Variants in PIBF1 observed in about 807,000 individuals in gnomAD.
PIBF1 encodes progesterone immunomodulatory binding factor 1, also known as progesterone-induced-blocking factor 1.
Under a neutral mutation model 112.5 loss-of-function variants are expected in PIBF1, and 90 were observed. The ratio of observed to expected loss-of-function variants is 0.80; its 90% CI spans 0.67 to 0.95. PIBF1 has a LOEUF of 0.95. Ranked by LOEUF, PIBF1 falls within the 40% of genes least tolerant of loss-of-function variation. The pLI is 0.00. For synonymous variants in PIBF1, 301 were observed against 288.6 expected (o/e 1.04, Z -0.44); for missense variants, 915 against 852.3 (o/e 1.07, Z -0.92).
chr13:72,970,311 T>G (rs534106657), intron 15 of PIBF1, among the ~76,000 whole-genome samples: 57 of 152,298 alleles, frequency 3.7e-4, no homozygotes, highest in African/African-American at 1.3e-3. Context: ...CTGTTAACTT[T>G]CTTCCACCAA....
At chr13:72,988,087 T>A (rs1268665701) in intron 16 of PIBF1, among the ~76,000 whole-genome samples, 6 of 151,492 alleles carry the variant, frequency 4.0e-5, no homozygotes, top group Non-Finnish European at 1.5e-5. Flanking sequence ...GGTCTCAATC[T>A]CTTGACCTCG....
chr13:72,795,177 A>G (rs2035129120), intron 3 of PIBF1, among the ~76,000 whole-genome samples, 182 bp from the exon 4 acceptor site: 1 of 152,212 alleles, frequency 6.6e-6, no homozygotes, highest in Non-Finnish European at 1.5e-5. Flanking sequence ...AATAATTAGT[A>G]TGGAATTGTC....
intron 13 of PIBF1, among the ~76,000 whole-genome samples, chr13:72,917,978 A>G (rs1005027749): frequency 3.9e-5 from 6 of 152,220 alleles, no homozygotes; most frequent in Non-Finnish European, 8.8e-5. Context: ...CACTGGAACC[A>G]TGCATCCCGT....
At chr13:72,914,104 GCTGA>G (rs1440076715) in intron 12 of PIBF1, among the ~76,000 whole-genome samples, 1 of 151,924 alleles carries the variant, frequency 6.6e-6, no homozygotes, top group East Asian at 1.9e-4. Flanking sequence ...GGTAATTTCG[GCTGA>G]CTTTTTTCAA....
intron 14 of PIBF1, among the ~76,000 whole-genome samples, chr13:72,931,938 C>CTTTTTTTTTTTT (rs59274277): frequency 3.6e-4 from 36 of 100,820 alleles, no homozygotes; most frequent in East Asian, 5.7e-4. Flanking sequence ...TTGTTTCTTT[C>CTTTTTTTTTTTT]TTTTTTTTTT....
intron 9 of PIBF1, among the ~76,000 whole-genome samples, chr13:72,852,509 G>C (rs1003869158): frequency 3.3e-5 from 5 of 152,142 alleles, no homozygotes; most frequent in African/African-American, 1.2e-4. Flanking sequence ...TGAGATCCCG[G>C]CCAGTATAGC....
In PIBF1 at chr13:72,973,596, T is replaced by G. The variant is rs1555327317; in HGVS notation, c.1970T>G (p.Leu657Ter). ...ACTGGGGTTTTTTTTTTCAGCAACT[T>G]AAATAAAGAAAAGTCAGCTTTACTA... ...IAQLEKDVSN[L>*]NKEKSALLQT... is the part of the protein sequence containing the mutation. The change falls in exon 16 of 18, where the codon TTA becomes TGA. Residue 657 changes from leucine (L) to a stop codon, truncating the protein, a stop_gained. Coordinates refer to ENST00000326291, the MANE Select transcript of PIBF1 (RefSeq NM_006346.4). LOFTEE classifies it high-confidence loss of function. The G allele has an allele frequency of 3.9e-6, 6 of 1,542,366 alleles. No homozygotes were observed. The highest frequency in any genetic ancestry group is 4.4e-6 in the Non-Finnish European group (5 of 1,140,430).
intron 16 of PIBF1, among the ~76,000 whole-genome samples, chr13:72,983,793 T>C (rs999823685): frequency 2.0e-5 from 3 of 152,208 alleles, no homozygotes; most frequent in African/African-American, 7.2e-5. Context: ...GAAATTTTCT[T>C]AAGAGTATCT....
chr13:72,994,669 A>G (rs1250745389), intron 16 of PIBF1, among the ~76,000 whole-genome samples: 1 of 152,210 alleles, frequency 6.6e-6, no homozygotes, highest in Non-Finnish European at 1.5e-5. Flanking sequence ...ACTCAAATGC[A>G]AACAATGAGA....
intron 11 of PIBF1, chr13:72,901,008 G>C: frequency 2.4e-6 from 1 of 414,024 alleles, no homozygotes; most frequent in South Asian, 1.8e-5. Flanking sequence ...GGCAACCAGA[G>C]CAAAACTCCG....
At chr13:73,005,398 C>T (rs2139044982) in intron 17 of PIBF1, among the ~76,000 whole-genome samples, 1 of 151,688 alleles carries the variant, frequency 6.6e-6, no homozygotes, top group East Asian at 1.9e-4. Context: ...CACATGAGCC[C>T]AGGAGGTTGG....
intron 10 of PIBF1, among the ~76,000 whole-genome samples, chr13:72,878,513 T>G (rs747383190): frequency 2.6e-5 from 4 of 152,206 alleles, no homozygotes; most frequent in Non-Finnish European, 5.9e-5. Context: ...CATATGATTT[T>G]TATTCTTTTA....
chr13:72,943,942 G>A (rs1160264917), intron 14 of PIBF1, among the ~76,000 whole-genome samples: 1 of 152,110 alleles, frequency 6.6e-6, no homozygotes, highest in East Asian at 1.9e-4. Flanking sequence ...ATGAGAGAGG[G>A]TTCAATCTAA....
rs144190285 is a variant in PIBF1, at chr13:72,905,904, A to G, written c.1489-2627A>G. Among the ~76,000 whole-genome samples the G allele has an allele frequency of 4.5e-3, 680 of 152,272 alleles. 6 individuals carry two copies. Among genetic ancestry groups the G allele is most frequent in the African/African-American group, 0.015 (638 of 41,552 alleles). ...AACTGAGGCTTGAGGGCATTTCTTA[A>G]CGTTGTGTGCCCCTATTAAACTGAA... On this transcript the variant is annotated intron_variant, in intron 11 of 17. Transcript: ENST00000326291.
At chr13:73,015,316 A>G (rs1160219171) in intron 17 of PIBF1, among the ~76,000 whole-genome samples, 1 of 152,222 alleles carries the variant, frequency 6.6e-6, no homozygotes, top group Non-Finnish European at 1.5e-5. Flanking sequence ...GACTGGAATC[A>G]GTGAAGTTCT....
intron 10 of PIBF1, among the ~76,000 whole-genome samples, chr13:72,866,090 T>A (rs1009237144): frequency 6.6e-6 from 1 of 152,312 alleles, no homozygotes; most frequent in African/African-American, 2.4e-5. Flanking sequence ...CTTCCTTGGC[T>A]TGTAACCGTA....
rs74959304 is a variant in PIBF1 at position 72,866,328 on chromosome 13, A to G, written c.1322+12173A>G. Among the ~76,000 whole-genome samples, 967 of 152,310 alleles carry G rather than the reference A, an allele frequency of 6.3e-3. 10 individuals are homozygous for G. Among genetic ancestry groups the G allele is most frequent in the African/African-American group, 0.022 (897 of 41,572 alleles). The stretch of plus-strand genomic sequence containing the variant: ...TCTCTTTTTTGGCAGGGTTGGGGGC[A>G]CCATTCAACCTACCACATATACCTT... On this transcript the variant is annotated intron_variant, in intron 10 of 17. Transcript: ENST00000326291.
At position 73,000,806 on chromosome 13, in the gene PIBF1, A is replaced by G. The variant is rs75451100; in HGVS notation, c.2223+1811A>G. On this transcript the variant is annotated intron_variant, in intron 17 of 17. Coordinates refer to ENST00000326291, the MANE Select transcript of PIBF1 (RefSeq NM_006346.4). ...TTTTCTGGAATACCGGCTATAATCAATCAGTACATGAGTAACAATAAGATT... is the reference window on the plus strand; with the variant it reads ...TTTTCTGGAATACCGGCTATAATCAGTCAGTACATGAGTAACAATAAGATT... Among the ~76,000 whole-genome samples, 1,259 of 152,306 alleles carry G rather than the reference A, an allele frequency of 8.3e-3. 15 individuals carry two copies. The highest frequency in any genetic ancestry group is 0.028 in the African/African-American group (1,168 of 41,564).
At chr13:73,003,140 G>A (rs1480176590) in intron 17 of PIBF1, among the ~76,000 whole-genome samples, 3 of 152,006 alleles carry the variant, frequency 2.0e-5, no homozygotes, top group Admixed American at 6.6e-5. Flanking sequence ...TCATTGGCTA[G>A]CATATGTTGT....
Sources: allele counts gnomAD v4.1 joint callset (sites outside exome capture counted in the v4.1 genomes callset), GRCh38; gene constraint gnomAD v4.1.1; transcripts MANE v1.5; gene names NCBI Gene and HGNC (gene_info 2026-07-23, HGNC 2026-07-21).